Variants in SYT14 observed in about 807,000 individuals in gnomAD.
The protein encoded by SYT14 is synaptotagmin-14.
In SYT14, 32 loss-of-function variants were observed where a neutral mutation model predicts 74.2. That is an observed-to-expected ratio of 0.43 (90% CI 0.33 to 0.58). The LOEUF is 0.58. Among genes scored for constraint, SYT14 ranks in the 20% least tolerant of loss-of-function variants. SYT14 has a pLI of 0.05. For synonymous variants in SYT14, 298 were observed against 337.7 expected (o/e 0.88, Z 1.29); for missense variants, 791 against 981.8 (o/e 0.81, Z 2.60).
chr1:210,103,187 A>G (rs924908684), intron 7 of SYT14, among the ~76,000 whole-genome samples: 7 of 152,132 alleles, frequency 4.6e-5, no homozygotes, highest in Non-Finnish European at 1.0e-4. Flanking sequence ...TTGAGAGAAA[A>G]AAAAGACCAA....
At chr1:209,945,760 T>C (rs1001457246) in intron 1 of SYT14, among the ~76,000 whole-genome samples, 1 of 152,204 alleles carries the variant, frequency 6.6e-6, no homozygotes, top group Non-Finnish European at 1.5e-5. Flanking sequence ...AAAAGGACTC[T>C]TAGATCCATT....
chr1:210,141,136 T>C (rs765339819), intron 7 of SYT14, among the ~76,000 whole-genome samples: 3 of 152,154 alleles, frequency 2.0e-5, no homozygotes, highest in Non-Finnish European at 2.9e-5. Context: ...CATTACTGTC[T>C]TAACAATTTA....
chr1:210,111,649 G>A (rs1416793060), intron 7 of SYT14, among the ~76,000 whole-genome samples: 1 of 151,168 alleles, frequency 6.6e-6, no homozygotes, highest in African/African-American at 2.5e-5. Flanking sequence ...ATACTGTAGG[G>A]TTGTTAGAAG....
intron 4 of SYT14, among the ~76,000 whole-genome samples, chr1:210,017,373 A>G (rs1458342093): frequency 1.3e-5 from 2 of 152,098 alleles, no homozygotes; most frequent in African/African-American, 4.8e-5. Context: ...CTTAATGTCC[A>G]TTTATTTTAC....
At chr1:210,049,867 G>A (rs1426378904) in intron 5 of SYT14, among the ~76,000 whole-genome samples, 1 of 152,204 alleles carries the variant, frequency 6.6e-6, no homozygotes, top group East Asian at 1.9e-4. Context: ...TCCCTAGGCT[G>A]CAGACAGCAC....
intron 7 of SYT14, among the ~76,000 whole-genome samples, chr1:210,110,539 G>A (rs1293576026): frequency 6.6e-6 from 1 of 152,108 alleles, no homozygotes; most frequent in Non-Finnish European, 1.5e-5. Context: ...GTATCCTCCA[G>A]GAAGAATTCT....
chr1:210,144,713 A>G (rs1251645390), intron 7 of SYT14, among the ~76,000 whole-genome samples: 1 of 152,084 alleles, frequency 6.6e-6, no homozygotes, highest in East Asian at 1.9e-4. Flanking sequence ...ATTTATTTCT[A>G]TTTAGTTTTC....
intron 5 of SYT14, among the ~76,000 whole-genome samples, chr1:210,053,668 T>C (rs2081044023): frequency 6.6e-6 from 1 of 152,192 alleles, no homozygotes; most frequent in Admixed American, 6.5e-5. Flanking sequence ...TTAGGTAATT[T>C]TGTGGATTGT....
chr1:210,073,337 T>C (rs1167828083), intron 5 of SYT14, among the ~76,000 whole-genome samples: 1 of 152,046 alleles, frequency 6.6e-6, no homozygotes, highest in Non-Finnish European at 1.5e-5. Flanking sequence ...AGGTCTATAA[T>C]TGCTGTATTA....
chr1:210,027,497 C>A (rs567500642), intron 5 of SYT14, among the ~76,000 whole-genome samples: 55 of 151,876 alleles, frequency 3.6e-4, no homozygotes, highest in African/African-American at 1.3e-3. Context: ...GGTCTTCATT[C>A]TTGTCTTCAT....
Position 209,939,576 on chromosome 1 carries a change from C to G in SYT14, c.-534+1299C>G, listed in dbSNP as rs146411081. 2.1e-3 allele frequency among the ~76,000 whole-genome samples: 318 copies of G among 152,312 alleles called. 1 individual carries two copies. Among genetic ancestry groups the G allele is most frequent in the African/African-American group, 6.9e-3 (288 of 41,568 alleles). On this transcript the variant is annotated intron_variant, in intron 1 of 9. Coordinates refer to ENST00000637265, the Ensembl canonical transcript of SYT14. Reference sequence around the variant, plus strand: ...AGATCTACCTATAATCTATGATGTTCCTGTTATCTGCAGCAGTACTTTCAA... The same window carrying G: ...AGATCTACCTATAATCTATGATGTTGCTGTTATCTGCAGCAGTACTTTCAA...
intron 2 of SYT14, among the ~76,000 whole-genome samples, chr1:210,007,343 T>C (rs2080008529): frequency 6.6e-6 from 1 of 151,974 alleles, no homozygotes; most frequent in Non-Finnish European, 1.5e-5. Context: ...ACGATATAGC[T>C]CACAGAGAGC....
intron 2 of SYT14, among the ~76,000 whole-genome samples, chr1:209,980,414 G>C (rs775395840): frequency 1.3e-5 from 2 of 152,096 alleles, no homozygotes; most frequent in African/African-American, 2.4e-5. Context: ...CATTCTGATG[G>C]ATAGTTCCTT....
chr1:209,956,967 A>G (rs2079003177), intron 2 of SYT14, among the ~76,000 whole-genome samples: 1 of 150,830 alleles, frequency 6.6e-6, no homozygotes, highest in African/African-American at 2.4e-5. Context: ...CCCCTTCACC[A>G]CCCGATTGCT....
rs1416022090 is a variant in SYT14, at chr1:209,990,682, T to C, written c.-485-22951T>C. ...AGTATGCCATTTACCCTGATGTGAT[T>C]ATTACACATTGTATGCCTGTATCAA... is the stretch of plus-strand genomic sequence containing the variant. On this transcript the variant is annotated intron_variant, in intron 2 of 9. Transcript: ENST00000637265. Among the ~76,000 whole-genome samples the C allele has an allele frequency of 1.8e-4, 26 of 147,634 alleles. No individual in the cohort carries two copies. In the Admixed American group the frequency reaches 1.8e-3, roughly 10 times the overall value.
chr1:210,122,393 C>T (rs1441863832), intron 7 of SYT14, among the ~76,000 whole-genome samples: 1 of 152,140 alleles, frequency 6.6e-6, no homozygotes, highest in Admixed American at 6.6e-5. Flanking sequence ...AAGATCCAGA[C>T]TGATTGGGCA....
chr1:210,154,301 G>A (rs765238830), intron 7 of SYT14, among the ~76,000 whole-genome samples: 9 of 152,106 alleles, frequency 5.9e-5, no homozygotes, highest in Non-Finnish European at 8.8e-5. Flanking sequence ...AGGAATGGGC[G>A]CCGCACAGCA....
At chr1:210,159,523 A>G in intron 9 of SYT14, 46 bp downstream of exon 8, 2 of 1,519,506 alleles carry the variant, frequency 1.3e-6, no homozygotes, top group Non-Finnish European at 1.8e-6. Context: ...TTCATGCAAA[A>G]CCAAAATACC....
At chr1:209,979,260 G>T (rs771059251) in intron 2 of SYT14, among the ~76,000 whole-genome samples, 8 of 152,166 alleles carry the variant, frequency 5.3e-5, no homozygotes, top group Non-Finnish European at 1.2e-4. Context: ...CGGTACCTCA[G>T]TTGGAAATGC....
Sources: allele counts gnomAD v4.1 joint callset (sites outside exome capture counted in the v4.1 genomes callset), GRCh38; gene constraint gnomAD v4.1.1; transcripts MANE v1.5; gene names NCBI Gene and HGNC (gene_info 2026-07-23, HGNC 2026-07-21).